Variants in PCNX1 observed in about 807,000 individuals in gnomAD.
PCNX1 encodes pecanex-like protein 1.
A neutral mutation model predicts 242.2 loss-of-function variants in PCNX1; 78 were observed. The observed-to-expected ratio is 0.32, with a 90% CI of 0.27 to 0.39. PCNX1 has a LOEUF of 0.39. Among genes scored for constraint, PCNX1 ranks in the 10% least tolerant of loss-of-function variants. The pLI is 1.00. For synonymous variants in PCNX1, 1,024 were observed against 1,032.9 expected (o/e 0.99, Z 0.17); for missense variants, 2,581 against 2,856.5 (o/e 0.90, Z 2.20).
At chr14:70,914,999 A>G (rs972837608) in intron 1 of PCNX1, among the ~76,000 whole-genome samples, 5 of 152,172 alleles carry the variant, frequency 3.3e-5, no homozygotes, top group African/African-American at 1.2e-4. Context: ...ATCCTGTTCT[A>G]GAATTTCATA....
intron 24 of PCNX1, chr14:71,053,561 A>T: frequency 3.7e-6 from 1 of 267,826 alleles, no homozygotes; most frequent in Non-Finnish European, 7.3e-6. Flanking sequence ...CAGGTGATCC[A>T]CCCGCTTCGG....
At chr14:71,100,208 A>C (rs1326825791) in intron 30 of PCNX1, among the ~76,000 whole-genome samples, 1 of 152,108 alleles carries the variant, frequency 6.6e-6, no homozygotes, top group Non-Finnish European at 1.5e-5. Flanking sequence ...CTGTGTTCTT[A>C]AGTGTGTTTT....
At chr14:70,988,750 TA>T in intron 7 of PCNX1, 51 bp downstream of exon 7, 1 of 1,571,968 alleles carries the variant, frequency 6.4e-7, no homozygotes, top group Non-Finnish European at 8.7e-7. Context: ...ACAACCCTTC[TA>T]ATCTGTTCCG....
chr14:71,032,085 T>G (rs2060402456), intron 16 of PCNX1: 2 of 635,144 alleles, frequency 3.1e-6, no homozygotes, highest in Non-Finnish European at 5.6e-6. Flanking sequence ...AGAGAAAGTT[T>G]CCTCATGCTG....
Position 71,018,968 on chromosome 14 carries a change from A to T in PCNX1, c.2997-41A>T, listed in dbSNP as rs1028450068. 4 of 1,521,068 alleles carry T rather than the reference A, an allele frequency of 2.6e-6. No individual in the cohort carries two copies. The Admixed American group carries it at 5.7e-5, about 22-fold the overall frequency. 94.2% of individuals were successfully genotyped at this position (1,521,068 alleles called of 1,614,324 possible). A position where few individuals can be genotyped will look rare whatever the true frequency, so the allele number is the denominator to read the frequency against. ...CTTTTTTCCATTTGGTTAATTTCTT[A>T]TACTTAAGATATACTTACCCATAAG... is the stretch of plus-strand genomic sequence containing the variant. On this transcript the variant is annotated intron_variant, in intron 11 of 35. Transcript: ENST00000304743.
At position 70,974,413 on chromosome 14, in the gene PCNX1, G is replaced by A. The variant is rs148037915; in HGVS notation, c.605-2529G>A. On this transcript the variant is annotated intron_variant, in intron 5 of 35. Coordinates refer to ENST00000304743, the MANE Select transcript of PCNX1 (RefSeq NM_014982.3). ...CTCCCAAAGTGCTGGGATTACAGGCGTGAGCCACTGCACCCAGCCAGTGCC... is the reference window on the plus strand; with the variant it reads ...CTCCCAAAGTGCTGGGATTACAGGCATGAGCCACTGCACCCAGCCAGTGCC... 9.1e-3 allele frequency among the ~76,000 whole-genome samples: 1,389 copies of A among 151,984 alleles called. 28 individuals are homozygous for A. The highest frequency in any genetic ancestry group is 0.031 in the African/African-American group (1,281 of 41,470).
intron 1 of PCNX1, among the ~76,000 whole-genome samples, chr14:70,918,008 T>G (rs2056219843): frequency 6.6e-6 from 1 of 152,146 alleles, no homozygotes; most frequent in African/African-American, 2.4e-5. Flanking sequence ...TCTGCTAGAG[T>G]CAAATTTTCT....
intron 8 of PCNX1, among the ~76,000 whole-genome samples, chr14:71,008,866 A>T (rs1300128649): frequency 6.6e-6 from 1 of 152,038 alleles, no homozygotes; most frequent in Non-Finnish European, 1.5e-5. Context: ...TAGATCCTCA[A>T]AGGGGAAGAA....
chr14:70,951,939 TATTCTA>T (rs2057798250), intron 2 of PCNX1, among the ~76,000 whole-genome samples: 2 of 152,230 alleles, frequency 1.3e-5, no homozygotes. Flanking sequence ...TTCCTACGCC[TATTCTA>T]TTTCTGTTAA....
intron 1 of PCNX1, among the ~76,000 whole-genome samples, chr14:70,931,401 G>C (rs1008970930): frequency 6.6e-6 from 1 of 152,152 alleles, no homozygotes; most frequent in African/African-American, 2.4e-5. Context: ...CTGATTTTTA[G>C]GCAGACAGTA....
intron 6 of PCNX1, among the ~76,000 whole-genome samples, chr14:70,983,203 A>G (rs982669219): frequency 1.3e-5 from 2 of 152,252 alleles, no homozygotes; most frequent in Non-Finnish European, 2.9e-5. Context: ...GAAATCACCT[A>G]TAAAAGTATA....
intron 26 of PCNX1, among the ~76,000 whole-genome samples, chr14:71,069,208 C>G (rs2061530873): frequency 6.6e-6 from 1 of 152,090 alleles, no homozygotes; most frequent in Non-Finnish European, 1.5e-5. Flanking sequence ...CAGCTATCTC[C>G]CACTAGGTCC....
At chr14:71,064,616 G>T (rs186451878) in intron 26 of PCNX1, among the ~76,000 whole-genome samples, 1 of 152,152 alleles carries the variant, frequency 6.6e-6, no homozygotes, top group Non-Finnish European at 1.5e-5. Flanking sequence ...TCAACTTCAT[G>T]TTACAATTTT....
chr14:71,098,553 T>TGAGAGAGAGAGA (rs1555379088), intron 30 of PCNX1, among the ~76,000 whole-genome samples: 66 of 125,730 alleles, frequency 5.2e-4, no homozygotes, highest in East Asian at 1.2e-3. Context: ...TGTGTGTGTG[T>TGAGAGAGAGAGA]GAGAGAGAGA....
chr14:71,049,989 C>G (rs546310208), intron 22 of PCNX1, among the ~76,000 whole-genome samples: 1 of 152,188 alleles, frequency 6.6e-6, no homozygotes, highest in Non-Finnish European at 1.5e-5. Context: ...GTATACACAA[C>G]TAAATTTCTA....
At chr14:71,038,985 C>T (rs1196419215) in intron 19 of PCNX1, among the ~76,000 whole-genome samples, 1 of 151,212 alleles carries the variant, frequency 6.6e-6, no homozygotes, top group African/African-American at 2.4e-5. Context: ...AAAAACCAAA[C>T]ACCGCATATT....
At chr14:70,927,124 A>G (rs753409976) in intron 1 of PCNX1, among the ~76,000 whole-genome samples, 1 of 152,176 alleles carries the variant, frequency 6.6e-6, no homozygotes, top group African/African-American at 2.4e-5. Flanking sequence ...GCTTGGTAAA[A>G]CACTAAATTT....
At chr14:71,084,045 C>G (rs2061922739) in intron 28 of PCNX1, among the ~76,000 whole-genome samples, 1 of 152,114 alleles carries the variant, frequency 6.6e-6, no homozygotes, top group African/African-American at 2.4e-5. Flanking sequence ...GTGTGGACAT[C>G]CTTTTGGTTG....
At position 70,938,665 on chromosome 14, in the gene PCNX1, T is replaced by C. The variant is rs371985097; in HGVS notation, c.154-8250T>C. On this transcript the variant is annotated intron_variant, in intron 1 of 35. Coordinates refer to ENST00000304743, the MANE Select transcript of PCNX1 (RefSeq NM_014982.3). ...TCATAAAATGAGTTAGGGAGGATTC[T>C]CTCTTTTTCTATTGATTGGAATAGT... Among the ~76,000 whole-genome samples the C allele has an allele frequency of 4.9e-4, 74 of 152,276 alleles. No individual in the cohort carries two copies. In the East Asian group the frequency reaches 9.7e-3, roughly 20 times the overall value.
Sources: allele counts gnomAD v4.1 joint callset (sites outside exome capture counted in the v4.1 genomes callset), GRCh38; gene constraint gnomAD v4.1.1; transcripts MANE v1.5; gene names NCBI Gene and HGNC (gene_info 2026-07-23, HGNC 2026-07-21).